The following FNBP1 variants were observed in gnomAD, a reference collection of about 807,000 sequenced individuals.
FNBP1 encodes formin binding protein 1.
A neutral mutation model predicts 90.6 loss-of-function variants in FNBP1; 26 were observed. The observed-to-expected ratio is 0.29, with a 90% CI of 0.21 to 0.40. FNBP1 has a LOEUF of 0.40. FNBP1 is among the 10% of genes least tolerant of loss of function. The pLI is 1.00. For missense variants in FNBP1, 635 were observed against 768.0 expected, an observed-to-expected ratio of 0.83 and a Z score of 2.05; for synonymous variants, 260 against 265.2, an observed-to-expected ratio of 0.98 and a Z score of 0.19.
In FNBP1 at chr9:129,926,170, C is replaced by T. The variant is rs961194703; in HGVS notation, c.790-1013G>A. 7.2e-5 allele frequency among the ~76,000 whole-genome samples: 11 copies of T among 152,148 alleles called. No individual in the cohort carries two copies. The East Asian group carries it at 1.7e-3, about 24-fold the overall frequency. On this transcript the variant is annotated intron_variant, in intron 8 of 16. Coordinates refer to ENST00000446176, the MANE Select transcript of FNBP1 (RefSeq NM_015033.3). Reference sequence around the variant, plus strand: ...TATTTTTAGTAGAGATGTGGTTTCACCATGTTGGCCAGGCTGGTCTTGAAC... The same window carrying T: ...TATTTTTAGTAGAGATGTGGTTTCATCATGTTGGCCAGGCTGGTCTTGAAC...
rs1267794055 is a variant in FNBP1 at position 130,041,388 on chromosome 9, G to C, written c.24+1564C>G. Among the ~76,000 whole-genome samples, 1 of 151,794 alleles carries C rather than the reference G, an allele frequency of 6.6e-6. No homozygotes were observed. On this transcript the variant is annotated intron_variant, in intron 1 of 16. Coordinates refer to ENST00000446176, the MANE Select transcript of FNBP1 (RefSeq NM_015033.3). This position sits in a 1 kb window ranked among gnomAD's most constrained non-coding sequence, Gnocchi z 4.3. ...TTTCCCTCCATAATTCCATCCACCT[G>C]TCTGAACAAGTGAAAAAAAAATTGT...
At chr9:130,010,266 C>T (rs1281508413) in intron 1 of FNBP1, among the ~76,000 whole-genome samples, 1 of 152,192 alleles carries the variant, frequency 6.6e-6, no homozygotes, top group Non-Finnish European at 1.5e-5. Flanking sequence ...TCCATCCCAT[C>T]TTCCCTTTGG....
chr9:130,040,912 T>C (rs1173109439), intron 1 of FNBP1, among the ~76,000 whole-genome samples: 3 of 152,094 alleles, frequency 2.0e-5, no homozygotes, highest in African/African-American at 7.2e-5. Context: ...CAACCCAAAT[T>C]ATTGTGAAGC....
At chr9:130,009,732 G>A (rs949237918) in intron 1 of FNBP1, among the ~76,000 whole-genome samples, 3 of 152,116 alleles carry the variant, frequency 2.0e-5, no homozygotes, top group Non-Finnish European at 2.9e-5. Flanking sequence ...AACCCGGGAG[G>A]TGGAGGCTGC....
intron 10 of FNBP1, among the ~76,000 whole-genome samples, chr9:129,918,064 CAA>C (rs1196804738): frequency 1.3e-5 from 2 of 152,212 alleles, no homozygotes; most frequent in African/African-American, 2.4e-5. Context: ...TTTCTTTACG[CAA>C]AGTTATATAT....
intron 4 of FNBP1, among the ~76,000 whole-genome samples, chr9:129,973,582 G>C (rs1425468158): frequency 1.3e-3 from 188 of 148,544 alleles, no homozygotes; most frequent in Non-Finnish European, 2.2e-3. Context: ...CTCACTGCAA[G>C]CTCCGCCTCC....
At chr9:130,028,351 A>G (rs752357008) in intron 1 of FNBP1, among the ~76,000 whole-genome samples, 10 of 152,196 alleles carry the variant, frequency 6.6e-5, no homozygotes, top group Admixed American at 1.3e-4. Context: ...GTAATTCTAA[A>G]CTTTCTCTTT....
intron 4 of FNBP1, among the ~76,000 whole-genome samples, chr9:129,960,432 A>G (rs1371432133): frequency 6.6e-6 from 1 of 151,314 alleles, no homozygotes; most frequent in East Asian, 1.9e-4. Flanking sequence ...GAAAAAGAAA[A>G]TTGCTGCTAT....
chr9:129,899,733 AAAGG>A (rs926658005), intron 15 of FNBP1, among the ~76,000 whole-genome samples: 2 of 147,652 alleles, frequency 1.4e-5, no homozygotes, highest in African/African-American at 5.0e-5. Context: ...TGTATGAAAA[AAAGG>A]AAGGAAGGAA....
intron 6 of FNBP1, among the ~76,000 whole-genome samples, chr9:129,937,833 A>G (rs1340189248): frequency 6.6e-5 from 10 of 152,188 alleles, no homozygotes; most frequent in Admixed American, 4.6e-4. Context: ...TAAGTTAACC[A>G]AAGAAATATG....
intron 1 of FNBP1, among the ~76,000 whole-genome samples, chr9:130,036,549 G>A (rs948681091): frequency 5.9e-5 from 9 of 152,232 alleles, no homozygotes; most frequent in South Asian, 2.1e-4. Flanking sequence ...GGCCTCCCAC[G>A]GTTTGTTTTC....
chr9:130,008,037 T>C (rs1373940381), intron 1 of FNBP1, among the ~76,000 whole-genome samples: 1 of 125,570 alleles, frequency 8.0e-6, no homozygotes, highest in Non-Finnish European at 1.8e-5. Context: ...CTTTTTTTCA[T>C]TAAAAAAAAA....
At chr9:129,974,207 T>C (rs1448283847) in intron 4 of FNBP1, among the ~76,000 whole-genome samples, 1 of 151,716 alleles carries the variant, frequency 6.6e-6, no homozygotes, top group East Asian at 1.9e-4. Flanking sequence ...CGAAAAAAAC[T>C]CACTGGAAAA....
At chr9:130,002,054 C>G in intron 1 of FNBP1, among the ~76,000 whole-genome samples, 1 of 137,414 alleles carries the variant, frequency 7.3e-6, no homozygotes. Flanking sequence ...AAAAGCCGGG[C>G]ATGGAGACCC....
Position 129,925,109 on chromosome 9 carries a change from C to T in FNBP1, c.838G>A (p.Gly280Arg). 6.2e-7 allele frequency: 1 copy of T among 1,613,910 alleles called. No homozygotes were observed. Among genetic ancestry groups the T allele is most frequent in the South Asian group, 1.1e-5 (1 of 91,086 alleles). The change falls in exon 9 of 17, where the codon GGA becomes AGA. Residue 280 changes from glycine to arginine, a missense_variant. Physicochemically the swap from Gly to Arg is moderately radical, Grantham distance 125. Coordinates refer to ENST00000446176, the MANE Select transcript of FNBP1 (RefSeq NM_015033.3). ...EAYKSGFEPP[G>R]DIEFEDYTQP... ...GTGTAATCCTCAAATTCAATGTCTC[C>T]AGGAGGCTCAAACCCTGATTTATAA...
At chr9:129,904,832 T>C (rs1278737698) in intron 12 of FNBP1, among the ~76,000 whole-genome samples, 1 of 152,174 alleles carries the variant, frequency 6.6e-6, no homozygotes, top group Non-Finnish European at 1.5e-5. Flanking sequence ...GAGCTCAAGT[T>C]ACATTGTTAA....
chr9:129,887,216 T>G lies in FNBP1; in HGVS notation c.*3323A>C, dbSNP rs1366162003. 1.1e-5 allele frequency: 2 copies of G among 180,822 alleles called. No homozygotes were observed. Among genetic ancestry groups the G allele is most frequent in the Non-Finnish European group, 2.4e-5 (2 of 84,646 alleles). The allele number at this position is 180,822 out of a possible 1,614,324, so 11.2% of individuals were successfully genotyped here. On this transcript the variant is annotated 3_prime_UTR_variant, in exon 17 of 17. Transcript: ENST00000446176. ...AGTTATATTTTATTTTAACACGAGA[T>G]TAACATATAGTTACAAGGTCAATAC...
intron 4 of FNBP1, among the ~76,000 whole-genome samples, chr9:129,969,093 T>C (rs1564461717): frequency 6.6e-6 from 1 of 152,352 alleles, no homozygotes; most frequent in Non-Finnish European, 1.5e-5. Flanking sequence ...CAAAAGTTGC[T>C]GATAAGAGTA....
chr9:130,007,160 T>G (rs147198112), intron 1 of FNBP1, among the ~76,000 whole-genome samples: 5,269 of 140,636 alleles, frequency 0.037, 179 homozygotes, highest in African/African-American at 0.091. Flanking sequence ...AAGGATCACT[T>G]GAGCCTGGGA....
Sources: gnomAD v4.1 joint callset for allele counts (sites outside exome capture counted in the v4.1 genomes callset) on GRCh38, gnomAD v4.1.1 for gene constraint, Gnocchi (gnomAD v3.1) non-coding constraint, MANE v1.5 for transcripts, NCBI Gene and HGNC (gene_info 2026-07-23, HGNC 2026-07-21) for gene names.